UBE2D3: variants seen among roughly 807,000 people sequenced by gnomAD.
UBE2D3 encodes ubiquitin conjugating enzyme E2 D3.
UBE2D3 carries 2 observed loss-of-function variants against 22.8 expected under a neutral mutation model. The ratio of observed to expected loss-of-function variants is 0.09; its 90% CI spans 0.04 to 0.28. The LOEUF (loss-of-function observed/expected upper bound fraction) is 0.28. Ranked by LOEUF, UBE2D3 falls within the 10% of genes least tolerant of loss-of-function variation. The pLI, the probability that UBE2D3 is intolerant of heterozygous loss-of-function variation, is 1.00. For synonymous variants in UBE2D3, 56 were observed against 60.4 expected (o/e 0.93, Z 0.34); for missense variants, 27 against 182.5 (o/e 0.15, Z 4.91).
At chr4:102,827,784 G>A (rs1325286216), upstream of UBE2D3, 1 of 985,960 alleles carries the variant, frequency 1.0e-6, no homozygotes, top group African/African-American at 1.7e-5. Context: ...GGGGAGGGAG[G>A]AGGATCATGA....
chr4:102,812,223 T>C (rs1221109685), intron 2 of UBE2D3: 1 of 152,994 alleles, frequency 6.5e-6, no homozygotes, highest in Non-Finnish European at 1.5e-5. Flanking sequence ...GTGTTTCAGG[T>C]TTTTGTGTGT....
chr4:102,808,104 T>C (rs929335939), intron 4 of UBE2D3, among the ~76,000 whole-genome samples: 6 of 152,030 alleles, frequency 3.9e-5, no homozygotes, highest in African/African-American at 9.7e-5. Flanking sequence ...ATTCTAGAGG[T>C]TGCAAAAGCA....
chr4:102,822,645 T>C lies in UBE2D3; in HGVS notation c.24+3840A>G, dbSNP rs1729794416. On this transcript the variant is annotated intron_variant, in intron 2 of 7. Coordinates refer to ENST00000453744, the MANE Select transcript of UBE2D3 (RefSeq NM_181891.3). ...AATCACATACATTATAAAACAGGAA[T>C]TGAAGGGCCAGGCCACGTGGTGGCT... 2.0e-5 allele frequency among the ~76,000 whole-genome samples: 3 copies of C among 149,492 alleles called. No homozygotes were observed. In the South Asian group the frequency reaches 6.3e-4, roughly 32 times the overall value.
At chr4:102,828,146 A>C (rs905200615), upstream of UBE2D3, 14 of 985,364 alleles carry the variant, frequency 1.4e-5, no homozygotes, top group East Asian at 2.3e-4. Context: ...CTGAATGCTT[A>C]TGCCGGTGGT....
chr4:102,846,531 C>A (rs1472427596), intron 1 of UBE2D3, among the ~76,000 whole-genome samples: 1 of 152,178 alleles, frequency 6.6e-6, no homozygotes, highest in African/African-American at 2.4e-5. Flanking sequence ...AATGGCAAGG[C>A]CTTTAGTTCT....
chr4:102,826,435 C>T (rs1210432984), intron 2 of UBE2D3, 50 bp downstream of exon 2: 2 of 1,611,342 alleles, frequency 1.2e-6, no homozygotes, highest in African/African-American at 2.7e-5. Flanking sequence ...CCTCTTGGCC[C>T]GAGCCTTCCT....
intron 2 of UBE2D3, among the ~76,000 whole-genome samples, chr4:102,824,795 T>C (rs773028223): frequency 8.5e-5 from 13 of 152,252 alleles, no homozygotes; most frequent in Non-Finnish European, 1.5e-4. Context: ...GATTTTTATT[T>C]GTACTGAATG....
Position 102,797,258 on chromosome 4 carries a change from G to T in UBE2D3, c.*157C>A, listed in dbSNP as rs983824740. 3.5e-6 allele frequency: 2 copies of T among 576,866 alleles called. No individual in the cohort carries two copies. The highest frequency in any genetic ancestry group is 6.1e-6 in the Non-Finnish European group (2 of 329,904). 35.7% of individuals were successfully genotyped at this position (576,866 alleles called of 1,614,324 possible). A position where few individuals can be genotyped will look rare whatever the true frequency, so the allele number is the denominator to read the frequency against. ...AGCTGGAAGAACTTAAGTCTTCTCAGATGAGCATGTGAATGAATGGAGGGA... is the reference window on the plus strand; with the variant it reads ...AGCTGGAAGAACTTAAGTCTTCTCATATGAGCATGTGAATGAATGGAGGGA... On this transcript the variant is annotated 3_prime_UTR_variant, in exon 8 of 8. Coordinates refer to ENST00000453744, the MANE Select transcript of UBE2D3 (RefSeq NM_181891.3).
chr4:102,825,154 T>C (rs1730260834), intron 2 of UBE2D3: 1 of 788,174 alleles, frequency 1.3e-6, no homozygotes, highest in Non-Finnish European at 1.5e-6. Context: ...ATCAGGTCTA[T>C]TTTAGTAAAG....
intron 1 of UBE2D3, among the ~76,000 whole-genome samples, chr4:102,854,122 G>A (rs1357330019): frequency 6.6e-6 from 1 of 151,966 alleles, no homozygotes; most frequent in Non-Finnish European, 1.5e-5. Context: ...CCATTCTTCT[G>A]TTGAATTGCT....
Position 102,801,651 on chromosome 4 carries a change from G to C in UBE2D3, c.199-92C>G, listed in dbSNP as rs1726168042. 2.8e-6 allele frequency: 3 copies of C among 1,059,208 alleles called. No homozygotes were observed. The South Asian group carries it at 4.9e-5, about 17-fold the overall frequency. 65.6% of individuals were successfully genotyped at this position (1,059,208 alleles called of 1,614,324 possible). A position where few individuals can be genotyped will look rare whatever the true frequency, so the allele number is the denominator to read the frequency against. ...ATAATCAAGCCACAATGTTAAAAATGTCATCTATTAGCATAGAAGTTCTAA... is the reference window on the plus strand; with the variant it reads ...ATAATCAAGCCACAATGTTAAAAATCTCATCTATTAGCATAGAAGTTCTAA... On this transcript the variant is annotated intron_variant, in intron 5 of 7. Transcript: ENST00000453744.
rs1430585438 is a variant in UBE2D3, at chr4:102,796,595, T to A, written c.*820A>T. On this transcript the variant is annotated 3_prime_UTR_variant, in exon 8 of 8. Transcript: ENST00000453744. The stretch of plus-strand genomic sequence containing the variant: ...TAATCCAGGCAGCTAACTCATTGGT[T>A]TATGCAACTTTATTGAAGAAAAATA... 6.6e-6 allele frequency: 1 copy of A among 152,464 alleles called. No homozygotes were observed. The highest frequency in any genetic ancestry group is 1.5e-5 in the Non-Finnish European group (1 of 67,924). 9.4% of individuals were successfully genotyped at this position (152,464 alleles called of 1,614,324 possible).
chr4:102,805,248 G>C (rs1336376499), intron 4 of UBE2D3, among the ~76,000 whole-genome samples: 1 of 152,092 alleles, frequency 6.6e-6, no homozygotes, highest in Non-Finnish European at 1.5e-5. Flanking sequence ...AATGAAACTA[G>C]GCAATATAAA....
At chr4:102,815,567 C>T (rs751473868) in intron 2 of UBE2D3, among the ~76,000 whole-genome samples, 6 of 152,142 alleles carry the variant, frequency 3.9e-5, no homozygotes, top group South Asian at 2.1e-4. Context: ...AATGAGTTTT[C>T]GGCACACTGA....
chr4:102,861,857 TATAGA>T (rs1732916084), intron 1 of UBE2D3, among the ~76,000 whole-genome samples: 1 of 151,998 alleles, frequency 6.6e-6, no homozygotes, highest in African/African-American at 2.4e-5. Flanking sequence ...CTTACAGAAT[TATAGA>T]AAAGAGAAGC....
intron 4 of UBE2D3, among the ~76,000 whole-genome samples, chr4:102,807,652 A>C (rs1257287146): frequency 1.3e-5 from 2 of 152,242 alleles, no homozygotes; most frequent in Non-Finnish European, 2.9e-5. Context: ...AAAGTTCAGC[A>C]AGGAATAGCC....
chr4:102,826,820 G>A (rs1428951850), intron 1 of UBE2D3, 184 bp from the exon 2 acceptor site: 3 of 1,218,848 alleles, frequency 2.5e-6, no homozygotes, highest in African/African-American at 1.6e-5. Flanking sequence ...CGGAGGTGGT[G>A]GCTACAAGTT....
At chr4:102,848,034 T>C (rs957654914) in intron 1 of UBE2D3, among the ~76,000 whole-genome samples, 2 of 152,186 alleles carry the variant, frequency 1.3e-5, no homozygotes, top group South Asian at 4.1e-4. Context: ...CAAGGTCTGA[T>C]TTTTCACTCA....
Position 102,826,533 on chromosome 4 carries a change from T to C in UBE2D3, c.-25A>G. 6.2e-7 allele frequency: 1 copy of C among 1,612,790 alleles called. No homozygotes were observed. The highest frequency in any genetic ancestry group is 8.5e-7 in the Non-Finnish European group (1 of 1,179,970). On this transcript the variant is annotated 5_prime_UTR_variant, in exon 2 of 8. Transcript: ENST00000453744. ...TAGTGTGTGCTTGTCGTCTGGCTCC[T>C]CACTCTCTCGGTGTATGCTCAAAGG...
Sources: gnomAD v4.1 joint callset for allele counts (sites outside exome capture counted in the v4.1 genomes callset) on GRCh38, gnomAD v4.1.1 for gene constraint, MANE v1.5 for transcripts, NCBI Gene and HGNC (gene_info 2026-07-23, HGNC 2026-07-21) for gene names.